The following DMD variants were observed in gnomAD, a reference collection of about 807,000 sequenced individuals.
The protein encoded by DMD is mutant dystrophin.
DMD carries 63 observed loss-of-function variants against 330.1 expected under a neutral mutation model. That is an observed-to-expected ratio of 0.19 (90% CI 0.16 to 0.24). The LOEUF is 0.24. DMD is among the 10% of genes least tolerant of loss of function. DMD has a pLI of 1.00. For synonymous variants in DMD, 1,223 were observed against 959.8 expected, an observed-to-expected ratio of 1.27 and a Z score of -5.07; for missense variants, 3,344 against 2,684.1, an observed-to-expected ratio of 1.25 and a Z score of -5.43.
At chrX:32,001,829 G>T (rs1452445205) in intron 44 of DMD, among the ~76,000 whole-genome samples, 1 of 111,457 alleles carries the variant, frequency 9.0e-6, no homozygotes, top group Admixed American at 9.6e-5. Flanking sequence ...TTTCCACATT[G>T]CACAAAAGTT....
At chrX:31,484,124 CT>C (rs974079833) in intron 57 of DMD, among the ~76,000 whole-genome samples, 16 of 111,105 alleles carry the variant, frequency 1.4e-4, no homozygotes, top group African/African-American at 4.6e-4. Context: ...AAAATGAAGA[CT>C]TTTTTTTAAA....
In DMD at chrX:31,348,944, C is replaced by T. The variant is rs762793368; in HGVS notation, c.9085-310G>A. ...CTTCAATTAGTACCATAAAAAAATACAAATCTTTACTTTCACAAAAACATT... is the reference window on the plus strand; with the variant it reads ...CTTCAATTAGTACCATAAAAAAATATAAATCTTTACTTTCACAAAAACATT... On this transcript the variant is annotated intron_variant, in intron 60 of 78. Transcript: ENST00000357033. Among the ~76,000 whole-genome samples the T allele has an allele frequency of 8.6e-4, 96 of 111,626 alleles. 1 individual carries two copies. Among genetic ancestry groups the T allele is most frequent in the African/African-American group, 3.1e-3 (94 of 30,783 alleles).
At chrX:31,544,653 T>G (rs1274923395) in intron 55 of DMD, among the ~76,000 whole-genome samples, 1 of 111,507 alleles carries the variant, frequency 9.0e-6, no homozygotes, top group African/African-American at 3.3e-5. Flanking sequence ...AATACACACT[T>G]TTCCCTGATT....
At chrX:33,060,753 C>T (rs2094572784) in intron 1 of DMD, among the ~76,000 whole-genome samples, 1 of 107,591 alleles carries the variant, frequency 9.3e-6, no homozygotes, top group African/African-American at 3.4e-5. Flanking sequence ...AGGAGAATCG[C>T]TTGAACCTGG....
intron 74 of DMD, among the ~76,000 whole-genome samples, chrX:31,156,259 T>C (rs751515745): frequency 8.9e-6 from 1 of 112,029 alleles, no homozygotes; most frequent in Non-Finnish European, 1.9e-5. Context: ...CCTTTCCTAC[T>C]GAAATTTGCT....
At chrX:32,806,436 C>T (rs780843821) in intron 7 of DMD, among the ~76,000 whole-genome samples, 1 of 111,143 alleles carries the variant, frequency 9.0e-6, no homozygotes, top group East Asian at 2.8e-4. Context: ...ACAGGAGCAC[C>T]CAGATTCATA....
chrX:31,521,573 C>G (rs902419170), intron 55 of DMD, among the ~76,000 whole-genome samples: 1 of 112,050 alleles, frequency 8.9e-6, no homozygotes, highest in African/African-American at 3.2e-5. Context: ...TGAGTATAAA[C>G]GAAGAAGCCT....
intron 55 of DMD, among the ~76,000 whole-genome samples, chrX:31,573,467 T>C (rs1603390852): frequency 9.0e-6 from 1 of 111,726 alleles, no homozygotes; most frequent in South Asian, 3.8e-4. Flanking sequence ...TTTGTACCTC[T>C]GGATCTTTTC....
chrX:33,208,333 G>A (rs928369671), intron 1 of DMD, among the ~76,000 whole-genome samples: 28 of 111,465 alleles, frequency 2.5e-4, no homozygotes, highest in African/African-American at 9.1e-4. Flanking sequence ...ATGTAACTGG[G>A]AAAAGATTAA....
chrX:31,409,722 A>C (rs2061555128), intron 60 of DMD, among the ~76,000 whole-genome samples: 1 of 112,473 alleles, frequency 8.9e-6, no homozygotes, highest in Non-Finnish European at 1.9e-5. Context: ...GAAAAAGGAC[A>C]AGTTGTGAAA....
intron 55 of DMD, among the ~76,000 whole-genome samples, chrX:31,511,405 A>G (rs2071560732): frequency 9.5e-6 from 1 of 104,841 alleles, no homozygotes; most frequent in Non-Finnish European, 1.9e-5. Flanking sequence ...ATATGTATAC[A>G]TGTGCCATGC....
chrX:33,184,388 C>T (rs180698964), intron 1 of DMD, among the ~76,000 whole-genome samples: 6 of 110,843 alleles, frequency 5.4e-5, no homozygotes, highest in African/African-American at 1.6e-4. Context: ...CTTTCATATA[C>T]GAAATCCGAT....
At chrX:32,083,314 G>A (rs751876583) in intron 44 of DMD, among the ~76,000 whole-genome samples, 6 of 106,941 alleles carry the variant, frequency 5.6e-5, no homozygotes, top group Middle Eastern at 4.8e-3. Context: ...TGGCTCTGTC[G>A]CCCAGGCTGG....
intron 2 of DMD, among the ~76,000 whole-genome samples, chrX:32,949,254 AC>A (rs1293101928): frequency 3.6e-4 from 4 of 11,157 alleles, no homozygotes; most frequent in African/African-American, 2.7e-3. Flanking sequence ...CGTTACATAC[AC>A]ACACACACAC....
chrX:33,100,979 G>T (rs995034139), intron 1 of DMD, among the ~76,000 whole-genome samples: 5 of 111,756 alleles, frequency 4.5e-5, no homozygotes, highest in South Asian at 3.7e-4. Context: ...GAAGCTGCTG[G>T]AAGAGAAAGA....
intron 9 of DMD, among the ~76,000 whole-genome samples, chrX:32,684,086 G>T (rs1440803749): frequency 9.4e-6 from 1 of 106,493 alleles, no homozygotes; most frequent in Middle Eastern, 4.5e-3. Flanking sequence ...TAGAGTTCTA[G>T]TTATGAGGAT....
intron 62 of DMD, among the ~76,000 whole-genome samples, chrX:31,276,398 T>C (rs1412210112): frequency 8.9e-6 from 1 of 111,772 alleles, no homozygotes; most frequent in African/African-American, 3.3e-5. Context: ...GATGTGGTTA[T>C]GAAAATTTTG....
At chrX:32,695,147 G>A (rs2063555555) in intron 9 of DMD, among the ~76,000 whole-genome samples, 1 of 112,373 alleles carries the variant, frequency 8.9e-6, no homozygotes, top group Non-Finnish European at 1.9e-5. Flanking sequence ...ACTGCTCTAT[G>A]TGTGCGTAAC....
rs770119472 is a variant in DMD at position 32,483,820 on chromosome X, C to CAAAAAAA, written c.2803+1092_2803+1098dup. Among the ~76,000 whole-genome samples, 13 of 37,249 alleles carry CAAAAAAA rather than the reference C, an allele frequency of 3.5e-4. 2 individuals carry two copies. Among genetic ancestry groups the CAAAAAAA allele is most frequent in the African/African-American group, 1.4e-3 (12 of 8,358 alleles). The allele number at this position is 37,249 out of a possible 115,157, so 32.3% of individuals were successfully genotyped here. A position where few individuals can be genotyped will look rare whatever the true frequency, so the allele number is the denominator to read the frequency against. On this transcript the variant is annotated intron_variant, in intron 21 of 78. Transcript: ENST00000357033. ...CCTTAGCAAAAACGACTCTGAAGTA[C>CAAAAAAA]AAAAAAAAAAAAAAAAAAAAAAAGT... is the stretch of plus-strand genomic sequence containing the variant.
Sources: allele counts gnomAD v4.1 joint callset (sites outside exome capture counted in the v4.1 genomes callset), GRCh38; gene constraint gnomAD v4.1.1; transcripts MANE v1.5; gene names NCBI Gene and HGNC (gene_info 2026-07-23, HGNC 2026-07-21).